MFHAS1: variants seen among roughly 807,000 people sequenced by gnomAD.
MFHAS1 encodes malignant fibrous histiocytoma-amplified sequence 1.
MFHAS1 carries 50 observed loss-of-function variants against 70.4 expected under a neutral mutation model. The observed-to-expected ratio is 0.71, with a 90% CI of 0.57 to 0.90. MFHAS1 has a LOEUF of 0.90. MFHAS1 is among the 40% of genes least tolerant of loss of function. The pLI, the probability that MFHAS1 is intolerant of heterozygous loss-of-function variation, is 0.00. For missense variants in MFHAS1, 1,795 were observed against 1,347.6 expected (o/e 1.33, Z -5.20); for synonymous variants, 952 against 620.0 (o/e 1.54, Z -7.96).
At chr8:8,876,198 T>A (rs1395991207) in intron 1 of MFHAS1, among the ~76,000 whole-genome samples, 1 of 152,172 alleles carries the variant, frequency 6.6e-6, no homozygotes, top group Non-Finnish European at 1.5e-5. Context: ...GCACAGGGAT[T>A]AGAGCCCAGC....
intron 1 of MFHAS1, among the ~76,000 whole-genome samples, chr8:8,805,315 C>G (rs918172762): frequency 3.3e-5 from 5 of 152,200 alleles, no homozygotes; most frequent in Non-Finnish European, 5.9e-5. Context: ...TACAAAAAGC[C>G]TACTGTTGAC....
chr8:8,789,467 G>C (rs1254997155), intron 2 of MFHAS1, among the ~76,000 whole-genome samples: 1 of 152,080 alleles, frequency 6.6e-6, no homozygotes. Flanking sequence ...CTGAAGGGAG[G>C]GTCCAGCCTG....
At chr8:8,869,119 G>A (rs1485899916) in intron 1 of MFHAS1, among the ~76,000 whole-genome samples, 4 of 152,150 alleles carry the variant, frequency 2.6e-5, no homozygotes, top group South Asian at 4.1e-4. Context: ...AAGAAGAGTC[G>A]CTGCCTGCTC....
chr8:8,819,081 C>T (rs1178243879), intron 1 of MFHAS1, among the ~76,000 whole-genome samples: 2 of 151,604 alleles, frequency 1.3e-5, no homozygotes, highest in African/African-American at 2.4e-5. Flanking sequence ...ATAAAGTCGG[C>T]TTATATAATG....
intron 2 of MFHAS1, among the ~76,000 whole-genome samples, chr8:8,793,587 C>T (rs965952277): frequency 4.6e-5 from 7 of 152,222 alleles, no homozygotes; most frequent in African/African-American, 1.7e-4. Flanking sequence ...CCATCACTCT[C>T]AATCCTCTCC....
Position 8,797,507 on chromosome 8 carries a change from G to A in MFHAS1, c.2999-16C>T. 6.2e-7 allele frequency: 1 copy of A among 1,610,354 alleles called. No individual in the cohort carries two copies. Among genetic ancestry groups the A allele is most frequent in the Non-Finnish European group, 8.5e-7 (1 of 1,177,716 alleles). ...AGCAACTCCCCTGTAGGAGGAGAGA[G>A]AAAAACGTGTTAGGGAGATGTGCAC... On this transcript the variant is annotated splice_polypyrimidine_tract_variant and intron_variant, in intron 1 of 2. Transcript: ENST00000276282.
intron 1 of MFHAS1, among the ~76,000 whole-genome samples, chr8:8,886,217 G>C (rs946020374): frequency 6.6e-6 from 1 of 151,700 alleles, no homozygotes; most frequent in Admixed American, 6.6e-5. Flanking sequence ...CAGGGTCAGA[G>C]TGCAATGGCA....
At chr8:8,808,229 C>A (rs1806406655) in intron 1 of MFHAS1, among the ~76,000 whole-genome samples, 1 of 148,738 alleles carries the variant, frequency 6.7e-6, no homozygotes, top group Non-Finnish European at 1.5e-5. Context: ...CCCCTGGGAA[C>A]CCTCCTCTGC....
intron 2 of MFHAS1, among the ~76,000 whole-genome samples, chr8:8,791,926 G>A (rs1021988042): frequency 1.3e-5 from 2 of 152,164 alleles, no homozygotes; most frequent in African/African-American, 4.8e-5. Context: ...CAAGGATAAC[G>A]TGTTTATGAG....
rs1208441182 is a variant in MFHAS1 at position 8,797,592 on chromosome 8, G to T, written c.2999-101C>A. The T allele has an allele frequency of 7.6e-6, 10 of 1,318,968 alleles. No homozygotes were observed. In the Admixed American group the frequency reaches 1.5e-4, roughly 20 times the overall value. 81.7% of individuals were successfully genotyped at this position (1,318,968 alleles called of 1,614,324 possible). The stretch of plus-strand genomic sequence containing the variant: ...CCGGGGATGGGGGCAGGGGGAGAAG[G>T]GCAGAGGTGAAGCAACGAAGGATGT... On this transcript the variant is annotated intron_variant, in intron 1 of 2. Coordinates refer to ENST00000276282, the MANE Select transcript of MFHAS1 (RefSeq NM_004225.3).
chr8:8,810,153 G>C (rs1283956150), intron 1 of MFHAS1, among the ~76,000 whole-genome samples: 1 of 152,206 alleles, frequency 6.6e-6, no homozygotes, highest in Non-Finnish European at 1.5e-5. Flanking sequence ...GATTGCTTGA[G>C]ACCAGAAGTT....
At chr8:8,835,473 C>G (rs1423730325) in intron 1 of MFHAS1, among the ~76,000 whole-genome samples, 2 of 152,118 alleles carry the variant, frequency 1.3e-5, no homozygotes, top group African/African-American at 4.8e-5. Flanking sequence ...ACAGCTCACA[C>G]TCAGGAAACA....
At chr8:8,837,886 C>T (rs750537461) in intron 1 of MFHAS1, among the ~76,000 whole-genome samples, 5 of 152,070 alleles carry the variant, frequency 3.3e-5, no homozygotes, top group Non-Finnish European at 4.4e-5. Flanking sequence ...GTAAAATCAG[C>T]GAAATGATTT....
intron 1 of MFHAS1, among the ~76,000 whole-genome samples, chr8:8,884,079 C>A (rs1260311111): frequency 4.1e-5 from 5 of 122,770 alleles, no homozygotes; most frequent in African/African-American, 1.8e-4. Context: ...CACACACACA[C>A]ACAAAAAGAA....
chr8:8,821,081 T>A (rs1178519115), intron 1 of MFHAS1, among the ~76,000 whole-genome samples: 1 of 152,164 alleles, frequency 6.6e-6, no homozygotes, highest in Non-Finnish European at 1.5e-5. Context: ...CAGTTCCACA[T>A]ATCTTCCCCC....
intron 1 of MFHAS1, among the ~76,000 whole-genome samples, chr8:8,829,829 G>A (rs1279910752): frequency 6.6e-6 from 1 of 152,202 alleles, no homozygotes; most frequent in African/African-American, 2.4e-5. Context: ...ACAAAAAAGA[G>A]ACTTGAACAG....
intron 1 of MFHAS1, among the ~76,000 whole-genome samples, chr8:8,849,739 G>T (rs1808171747): frequency 6.6e-6 from 1 of 152,184 alleles, no homozygotes; most frequent in African/African-American, 2.4e-5. Context: ...ACTTCAAACA[G>T]GTAAGGGTAG....
At chr8:8,874,241 G>A (rs1809201625) in intron 1 of MFHAS1, among the ~76,000 whole-genome samples, 1 of 151,772 alleles carries the variant, frequency 6.6e-6, no homozygotes, top group Non-Finnish European at 1.5e-5. Context: ...AATCTGGAAA[G>A]GATCAAAGGT....
chr8:8,810,643 G>A (rs1806510969), intron 1 of MFHAS1, among the ~76,000 whole-genome samples: 1 of 152,162 alleles, frequency 6.6e-6, no homozygotes, highest in Admixed American at 6.5e-5. Context: ...TAAGAGCACA[G>A]TATATAATAC....
Sources: allele counts gnomAD v4.1 joint callset (sites outside exome capture counted in the v4.1 genomes callset), GRCh38; gene constraint gnomAD v4.1.1; transcripts MANE v1.5; gene names NCBI Gene and HGNC (gene_info 2026-07-23, HGNC 2026-07-21).